Variants in SMOC2 observed in about 807,000 individuals in gnomAD.
The protein encoded by SMOC2 is SPARC related modular calcium binding 2.
Under a neutral mutation model 61.4 loss-of-function variants are expected in SMOC2, and 39 were observed. The observed-to-expected ratio is 0.64, with a 90% CI of 0.49 to 0.83. The LOEUF is 0.83. SMOC2 is among the 40% of genes least tolerant of loss of function. The pLI is 0.00. For synonymous variants in SMOC2, 247 were observed against 239.9 expected (o/e 1.03, Z -0.27); for missense variants, 556 against 592.9 (o/e 0.94, Z 0.65).
intron 2 of SMOC2, among the ~76,000 whole-genome samples, chr6:168,518,599 GTT>G (rs1243444078): frequency 6.8e-6 from 1 of 146,738 alleles, no homozygotes. Context: ...GTGAATGTGT[GTT>G]CATGTGTGTG....
At chr6:168,469,782 T>G (rs1010517573) in intron 1 of SMOC2, among the ~76,000 whole-genome samples, 24 of 152,098 alleles carry the variant, frequency 1.6e-4, no homozygotes, top group African/African-American at 5.5e-4. Context: ...TCGTTAGGAG[T>G]GCGTCCTCAC....
chr6:168,647,838 A>T (rs1311778841), intron 9 of SMOC2, among the ~76,000 whole-genome samples: 1 of 152,164 alleles, frequency 6.6e-6, no homozygotes, highest in Non-Finnish European at 1.5e-5. Context: ...AGTAACAAGC[A>T]TTATTCCAGG....
chr6:168,489,692 A>G lies in SMOC2; in HGVS notation c.85-20223A>G, dbSNP rs374784029. On this transcript the variant is annotated intron_variant, in intron 1 of 12. Coordinates refer to ENST00000356284, the MANE Select transcript of SMOC2 (RefSeq NM_001166412.2). ...TTGCATCACACTGTTTTAGAATGAA[A>G]TATATCAAATCGTCTGGGTCCCCTT... Among the ~76,000 whole-genome samples the G allele has an allele frequency of 1.2e-4, 18 of 151,922 alleles. No homozygotes were observed. In the East Asian group the frequency reaches 2.0e-3, roughly 17 times the overall value.
intron 1 of SMOC2, among the ~76,000 whole-genome samples, chr6:168,478,017 G>A (rs529123077): frequency 6.6e-6 from 1 of 152,184 alleles, no homozygotes; most frequent in South Asian, 2.1e-4. Context: ...GAGGTACCCC[G>A]AGCATGTAGG....
intron 8 of SMOC2, among the ~76,000 whole-genome samples, chr6:168,599,811 CCACACACA>C (rs77047132): frequency 4.4e-5 from 4 of 90,942 alleles, no homozygotes; most frequent in African/African-American, 1.8e-4. Flanking sequence ...CACATTCACC[CCACACACA>C]CACACACACG....
intron 1 of SMOC2, among the ~76,000 whole-genome samples, chr6:168,483,646 A>C (rs1266632763): frequency 1.3e-5 from 2 of 152,164 alleles, no homozygotes; most frequent in African/African-American, 4.8e-5. Context: ...ACTAGACAAA[A>C]TAATTTTTAA....
chr6:168,483,744 A>G (rs1782264750), intron 1 of SMOC2, among the ~76,000 whole-genome samples: 1 of 152,168 alleles, frequency 6.6e-6, no homozygotes. Flanking sequence ...TGGCATAAAG[A>G]CAGATGTATA....
chr6:168,659,418 G>A (rs149896373), intron 11 of SMOC2, among the ~76,000 whole-genome samples: 2 of 150,914 alleles, frequency 1.3e-5, no homozygotes, highest in Non-Finnish European at 2.9e-5. Flanking sequence ...AGGTGGCCAG[G>A]TTATAGGCTG....
intron 1 of SMOC2, among the ~76,000 whole-genome samples, chr6:168,469,439 A>G (rs1356932011): frequency 6.6e-6 from 1 of 152,246 alleles, no homozygotes; most frequent in Admixed American, 6.5e-5. Flanking sequence ...GGGGTTCACT[A>G]GTTTATATAA....
intron 1 of SMOC2, among the ~76,000 whole-genome samples, chr6:168,494,319 A>G (rs2115035429): frequency 6.6e-6 from 1 of 152,300 alleles, no homozygotes; most frequent in South Asian, 2.1e-4. Context: ...GCATGTGATA[A>G]GCTGGTCTCC....
intron 1 of SMOC2, among the ~76,000 whole-genome samples, chr6:168,509,046 A>G (rs556224960): frequency 2.0e-5 from 3 of 149,302 alleles, no homozygotes; most frequent in South Asian, 2.2e-4. Flanking sequence ...GGAGGCCTGG[A>G]CGGGACTAGT....
intron 1 of SMOC2, among the ~76,000 whole-genome samples, chr6:168,500,668 G>A (rs974402580): frequency 6.6e-6 from 1 of 152,150 alleles, no homozygotes; most frequent in Non-Finnish European, 1.5e-5. Flanking sequence ...GACACTGCTG[G>A]ACTCCAAGGC....
chr6:168,454,783 C>T (rs980774239), intron 1 of SMOC2, among the ~76,000 whole-genome samples: 6 of 152,208 alleles, frequency 3.9e-5, no homozygotes, highest in African/African-American at 1.4e-4. Flanking sequence ...CTCCATGGGA[C>T]GCATCCTGAA....
intron 4 of SMOC2, among the ~76,000 whole-genome samples, chr6:168,532,909 G>C (rs1562332383): frequency 1.3e-5 from 2 of 152,236 alleles, no homozygotes; most frequent in Admixed American, 6.5e-5. Context: ...ACCTGACACA[G>C]CTGTGTCTGG....
At chr6:168,619,393 A>G (rs1246141207) in intron 9 of SMOC2, among the ~76,000 whole-genome samples, 4 of 152,210 alleles carry the variant, frequency 2.6e-5, no homozygotes, top group Non-Finnish European at 4.4e-5. Flanking sequence ...GAGACAATTT[A>G]AATAACTTGA....
Position 168,598,803 on chromosome 6 carries a change from T to C in SMOC2, c.638-15T>C, listed in dbSNP as rs745836119. 1.6e-5 allele frequency: 26 copies of C among 1,613,022 alleles called. No homozygotes were observed. Among genetic ancestry groups the C allele is most frequent in the African/African-American group, 8.0e-5 (6 of 74,858 alleles). Reference sequence around the variant, plus strand: ...GCTGGATCCTGCTCACCTTTTGCCTTCTTCTTCCCCGCAGTGTCATCCTGT... The same window carrying C: ...GCTGGATCCTGCTCACCTTTTGCCTCCTTCTTCCCCGCAGTGTCATCCTGT... On this transcript the variant is annotated splice_polypyrimidine_tract_variant and intron_variant, in intron 7 of 12. Coordinates refer to ENST00000356284, the MANE Select transcript of SMOC2 (RefSeq NM_001166412.2).
intron 1 of SMOC2, among the ~76,000 whole-genome samples, chr6:168,454,864 G>T (rs1461492104): frequency 6.6e-6 from 1 of 152,230 alleles, no homozygotes; most frequent in Non-Finnish European, 1.5e-5. Context: ...TGTTCCAGCA[G>T]ATGCTACAGG....
chr6:168,506,304 G>A (rs1782870399), intron 1 of SMOC2, among the ~76,000 whole-genome samples: 1 of 152,124 alleles, frequency 6.6e-6, no homozygotes, highest in African/African-American at 2.4e-5. Flanking sequence ...CCAAAGCTCT[G>A]GGGTTATAGG....
At chr6:168,631,569 T>TGGCA (rs1269039320) in intron 9 of SMOC2, among the ~76,000 whole-genome samples, 4 of 152,228 alleles carry the variant, frequency 2.6e-5, no homozygotes, top group Admixed American at 6.5e-5. Context: ...ACTTAAGGAT[T>TGGCA]GGCAACTAAT....
Sources: gnomAD v4.1 joint callset for allele counts (sites outside exome capture counted in the v4.1 genomes callset) on GRCh38, gnomAD v4.1.1 for gene constraint, MANE v1.5 for transcripts, NCBI Gene and HGNC (gene_info 2026-07-23, HGNC 2026-07-21) for gene names.